TANGO6: variants seen among roughly 807,000 people sequenced by gnomAD.
TANGO6 encodes the protein transport and golgi organization 6 homolog.
TANGO6 carries 90 observed loss-of-function variants against 114.2 expected under a neutral mutation model. The ratio of observed to expected loss-of-function variants is 0.79; its 90% CI spans 0.66 to 0.94. The LOEUF (loss-of-function observed/expected upper bound fraction) is 0.94, where lower values mean the gene tolerates loss of function less well. TANGO6 is among the 40% of genes least tolerant of loss of function. The pLI, the probability that TANGO6 is intolerant of heterozygous loss-of-function variation, is 0.00. For synonymous variants in TANGO6, 477 were observed against 509.8 expected (o/e 0.94, Z 0.87); for missense variants, 1,274 against 1,315.3 (o/e 0.97, Z 0.49).
At chr16:68,880,283 T>G (rs544484376) in intron 6 of TANGO6, among the ~76,000 whole-genome samples, 3 of 152,212 alleles carry the variant, frequency 2.0e-5, no homozygotes, top group Non-Finnish European at 4.4e-5. Context: ...AAAATGAAAA[T>G]TCTAAGTGAT....
chr16:68,867,712 G>A lies in TANGO6; in HGVS notation c.994+492G>A, dbSNP rs535460852. The A allele has an allele frequency of 6.5e-4, 100 of 153,674 alleles. No individual in the cohort carries two copies. The South Asian group carries it at 7.2e-3, about 11-fold the overall frequency. 9.5% of individuals were successfully genotyped at this position (153,674 alleles called of 1,614,324 possible). On this transcript the variant is annotated intron_variant, in intron 4 of 17. Transcript: ENST00000261778. ...AAATTAGCCTGGCATGGCGGCGGGC[G>A]CCTAACCCCAGCTACTTGGGAGGCT...
chr16:68,943,737 TCTC>T (rs1260538711), intron 14 of TANGO6, among the ~76,000 whole-genome samples: 1 of 152,134 alleles, frequency 6.6e-6, no homozygotes, highest in Admixed American at 6.6e-5. Flanking sequence ...AAGATAAGAA[TCTC>T]CTCATTCCTT....
At position 68,900,563 on chromosome 16, in the gene TANGO6, C is replaced by T. The variant is rs780594915; in HGVS notation, c.1490+17C>T. ...TCACATAAGGTAAACAATCAAGGGA[C>T]CCTTATTTGTTTATAAATTGTGACG... is the stretch of plus-strand genomic sequence containing the variant. On this transcript the variant is annotated intron_variant, in intron 8 of 17. Coordinates refer to ENST00000261778, the MANE Select transcript of TANGO6 (RefSeq NM_024562.2). The T allele has an allele frequency of 1.3e-6, 2 of 1,556,302 alleles. No homozygotes were observed. The highest frequency in any genetic ancestry group is 1.8e-5 in the Admixed American group (1 of 54,192).
intron 16 of TANGO6, among the ~76,000 whole-genome samples, chr16:69,023,925 T>A (rs1959455722): frequency 6.6e-6 from 1 of 152,092 alleles, no homozygotes; most frequent in Admixed American, 6.5e-5. Context: ...TATTATTATT[T>A]GAAACAGAGT....
intron 14 of TANGO6, among the ~76,000 whole-genome samples, chr16:68,932,431 A>G (rs2152198478): frequency 6.6e-6 from 1 of 152,328 alleles, no homozygotes; most frequent in African/African-American, 2.4e-5. Flanking sequence ...TAAAATTGTC[A>G]GAGCATAAGG....
intron 7 of TANGO6, among the ~76,000 whole-genome samples, chr16:68,898,138 A>T (rs1045562526): frequency 2.0e-5 from 3 of 151,918 alleles, no homozygotes; most frequent in African/African-American, 7.3e-5. Context: ...TCTTTACGTT[A>T]TCTGGAAGAA....
chr16:69,045,303 G>A (rs1158010512), intron 17 of TANGO6, among the ~76,000 whole-genome samples: 1 of 148,410 alleles, frequency 6.7e-6, no homozygotes, highest in Admixed American at 6.8e-5. Flanking sequence ...AATTAGCCGG[G>A]TGTGGTGGCG....
chr16:68,907,201 C>T (rs1306903292), intron 9 of TANGO6, among the ~76,000 whole-genome samples: 4 of 150,446 alleles, frequency 2.7e-5, no homozygotes, highest in Admixed American at 1.3e-4. Flanking sequence ...CCCGCCTTGG[C>T]CTCCCGAAGT....
chr16:68,957,903 G>C (rs920166556), intron 14 of TANGO6, among the ~76,000 whole-genome samples: 2 of 152,156 alleles, frequency 1.3e-5, no homozygotes, highest in Non-Finnish European at 2.9e-5. Flanking sequence ...CACATGCAGT[G>C]GCTCACACCT....
At chr16:68,962,723 T>C (rs1363035425) in intron 14 of TANGO6, among the ~76,000 whole-genome samples, 3 of 151,486 alleles carry the variant, frequency 2.0e-5, no homozygotes, top group African/African-American at 7.3e-5. Flanking sequence ...ATTGCGCCAT[T>C]GCACACCAGC....
chr16:69,043,023 G>A (rs115536686), intron 17 of TANGO6, among the ~76,000 whole-genome samples: 3,931 of 152,202 alleles, frequency 0.026, 179 homozygotes, highest in African/African-American at 0.09. Flanking sequence ...CCAAGAGTTC[G>A]AGAGAAGCCT....
chr16:68,952,608 C>G (rs1033290991), intron 14 of TANGO6, among the ~76,000 whole-genome samples: 1 of 152,164 alleles, frequency 6.6e-6, no homozygotes, highest in South Asian at 2.1e-4. Context: ...TCAATTACCC[C>G]CTCTCAGGTC....
chr16:68,976,149 G>C (rs969558636), intron 15 of TANGO6, among the ~76,000 whole-genome samples: 1 of 152,108 alleles, frequency 6.6e-6, no homozygotes, highest in African/African-American at 2.4e-5. Flanking sequence ...GCCCAGCCTG[G>C]TCTTGAACTC....
intron 9 of TANGO6, among the ~76,000 whole-genome samples, chr16:68,907,099 AT>A (rs546359676): frequency 0.023 from 2,604 of 114,568 alleles, 34 homozygotes; most frequent in African/African-American, 0.061. Flanking sequence ...CCAGACCTTG[AT>A]TTTTTTTTTT....
rs566106851 is a variant in TANGO6, at chr16:68,958,162, ACTCCAT to A, written c.2702-15862_2702-15857del. Among the ~76,000 whole-genome samples the A allele has an allele frequency of 2.7e-5, 4 of 149,308 alleles. No individual in the cohort carries two copies. The East Asian group carries it at 7.9e-4, about 29-fold the overall frequency. Reference sequence around the variant, plus strand: ...CTCCAGCCTGGGCAAGAAGAGGGAAACTCCATCTCAAAAAAAAAAAACAAATTAAAT... The same window carrying A: ...CTCCAGCCTGGGCAAGAAGAGGGAAACTCAAAAAAAAAAAACAAATTAAAT... On this transcript the variant is annotated intron_variant, in intron 14 of 17. Transcript: ENST00000261778.
intron 7 of TANGO6, among the ~76,000 whole-genome samples, chr16:68,889,227 T>C (rs1288074855): frequency 2.0e-5 from 3 of 152,240 alleles, no homozygotes; most frequent in Admixed American, 6.5e-5. Context: ...GTATATTTGT[T>C]ACAATTGATG....
chr16:68,986,837 A>C (rs1164900247), intron 15 of TANGO6, among the ~76,000 whole-genome samples: 1 of 152,136 alleles, frequency 6.6e-6, no homozygotes, highest in Non-Finnish European at 1.5e-5. Context: ...CCTGGGAGGC[A>C]GAGGGTGCAG....
At chr16:68,959,968 G>A (rs1963573163) in intron 14 of TANGO6, among the ~76,000 whole-genome samples, 1 of 152,214 alleles carries the variant, frequency 6.6e-6, no homozygotes, top group Non-Finnish European at 1.5e-5. Context: ...AGGGCTTTCA[G>A]GAGGTGTGAG....
intron 14 of TANGO6, among the ~76,000 whole-genome samples, chr16:68,940,629 C>G (rs917702594): frequency 6.7e-6 from 1 of 148,676 alleles, no homozygotes; most frequent in Non-Finnish European, 1.5e-5. Context: ...CCGACAGGCA[C>G]AAAACTTGTT....
Sources: gnomAD v4.1 joint callset for allele counts (sites outside exome capture counted in the v4.1 genomes callset) on GRCh38, gnomAD v4.1.1 for gene constraint, MANE v1.5 for transcripts, NCBI Gene and HGNC (gene_info 2026-07-23, HGNC 2026-07-21) for gene names.